The following DACH2 variants were observed in gnomAD, a reference collection of about 807,000 sequenced individuals.
DACH2 encodes dachshund family transcription factor 2.
In DACH2, 17 loss-of-function variants were observed where a neutral mutation model predicts 35.8. The observed-to-expected ratio is 0.48, with a 90% CI of 0.33 to 0.71. The LOEUF (loss-of-function observed/expected upper bound fraction) is 0.71. Among genes scored for constraint, DACH2 ranks in the 30% least tolerant of loss-of-function variants. The pLI, the probability that DACH2 is intolerant of heterozygous loss-of-function variation, is 0.02. For synonymous variants in DACH2, 195 were observed against 177.3 expected (o/e 1.10, Z -0.79); for missense variants, 469 against 472.7 (o/e 0.99, Z 0.07).
chrX:86,571,316 T>C (rs5923567), intron 3 of DACH2, among the ~76,000 whole-genome samples: 35,298 of 109,383 alleles, frequency 0.32, 4,655 homozygotes, highest in Middle Eastern at 0.46. Context: ...ATTATTATAC[T>C]TTTAAGTTTT....
At chrX:86,824,480 G>A (rs1341189538) in intron 11 of DACH2, among the ~76,000 whole-genome samples, 1 of 111,795 alleles carries the variant, frequency 8.9e-6, no homozygotes, top group Non-Finnish European at 1.9e-5. Flanking sequence ...AATTTGTACA[G>A]TTAACACAAT....
chrX:86,623,904 C>T (rs868405919), intron 3 of DACH2, among the ~76,000 whole-genome samples: 8 of 101,463 alleles, frequency 7.9e-5, no homozygotes, highest in African/African-American at 2.5e-4. Flanking sequence ...AAAAATTAGC[C>T]GGGCATGGTG....
At chrX:86,741,464 T>C (rs2041655121) in intron 7 of DACH2, among the ~76,000 whole-genome samples, 2 of 111,849 alleles carry the variant, frequency 1.8e-5, no homozygotes, top group Non-Finnish European at 3.8e-5. Context: ...CAGCATTTCT[T>C]CAAGAGATTC....
At chrX:86,517,277 G>C (rs1025678455) in intron 3 of DACH2, among the ~76,000 whole-genome samples, 2 of 111,555 alleles carry the variant, frequency 1.8e-5, no homozygotes, top group Non-Finnish European at 3.8e-5. Flanking sequence ...TTGTGGTTTT[G>C]ATTTACCACA....
intron 6 of DACH2, among the ~76,000 whole-genome samples, chrX:86,737,882 A>G (rs773901821): frequency 1.8e-5 from 2 of 111,521 alleles, no homozygotes; most frequent in South Asian, 7.6e-4. Flanking sequence ...ATAGTGTCTA[A>G]TAGGTAGTTT....
chrX:86,450,844 T>G (rs1331619896), intron 2 of DACH2, among the ~76,000 whole-genome samples: 1 of 111,625 alleles, frequency 9.0e-6, no homozygotes, highest in East Asian at 2.8e-4. Flanking sequence ...TTTAAAAATA[T>G]GTTTGTTGGC....
intron 4 of DACH2, among the ~76,000 whole-genome samples, chrX:86,682,223 T>A (rs1188533568): frequency 9.0e-6 from 1 of 111,586 alleles, no homozygotes; most frequent in East Asian, 2.8e-4. Flanking sequence ...AAGTGCCTCA[T>A]TTTGTTCCTC....
intron 1 of DACH2, among the ~76,000 whole-genome samples, chrX:86,307,895 T>C (rs1260835100): frequency 2.7e-5 from 3 of 112,007 alleles, no homozygotes; most frequent in Admixed American, 9.5e-5. Context: ...TCAGGCAGAA[T>C]TTATTGATTT....
chrX:86,256,981 T>C (rs770988370), intron 1 of DACH2, among the ~76,000 whole-genome samples: 1 of 112,193 alleles, frequency 8.9e-6, no homozygotes, highest in East Asian at 2.8e-4. Flanking sequence ...CTTCATTTCC[T>C]CTATGCACAC....
chrX:86,318,757 G>T (rs2034961619), intron 1 of DACH2, among the ~76,000 whole-genome samples: 1 of 111,297 alleles, frequency 9.0e-6, no homozygotes, highest in South Asian at 3.8e-4. Flanking sequence ...CAAAAGCTAG[G>T]GATCAGGAAA....
At chrX:86,699,423 C>T (rs973192062) in intron 5 of DACH2, among the ~76,000 whole-genome samples, 2 of 111,372 alleles carry the variant, frequency 1.8e-5, no homozygotes, top group Admixed American at 9.6e-5. Context: ...TGGTGGAAGG[C>T]GAAAGGCTCT....
chrX:86,617,994 A>T (rs1316588198), intron 3 of DACH2, among the ~76,000 whole-genome samples: 1 of 112,471 alleles, frequency 8.9e-6, no homozygotes, highest in African/African-American at 3.2e-5. Context: ...AGAAACTATC[A>T]GCTGAGCATA....
chrX:86,648,776 T>A (rs757861233), intron 3 of DACH2, among the ~76,000 whole-genome samples: 59 of 110,783 alleles, frequency 5.3e-4, no homozygotes, highest in African/African-American at 1.7e-3. Flanking sequence ...TGTAAAGTAG[T>A]TTTTTAAAAA....
chrX:86,654,811 A>T (rs1239056509), intron 4 of DACH2, among the ~76,000 whole-genome samples: 1 of 111,713 alleles, frequency 9.0e-6, no homozygotes, highest in East Asian at 2.8e-4. Context: ...TTGTAGTATT[A>T]TAATCATAAT....
At chrX:86,726,179 G>T (rs2041467187) in intron 6 of DACH2, among the ~76,000 whole-genome samples, 2 of 111,633 alleles carry the variant, frequency 1.8e-5, no homozygotes, top group African/African-American at 6.5e-5. Flanking sequence ...GCTCTGGAAA[G>T]TACAGCCTGT....
At chrX:86,820,996 A>G (rs958679633) in intron 11 of DACH2, among the ~76,000 whole-genome samples, 2 of 111,546 alleles carry the variant, frequency 1.8e-5, no homozygotes, top group African/African-American at 6.5e-5. Flanking sequence ...AAAGGGAGCC[A>G]GAAAAAATAA....
At chrX:86,401,997 G>A in intron 2 of DACH2, among the ~76,000 whole-genome samples, 1 of 111,719 alleles carries the variant, frequency 9.0e-6, no homozygotes, top group South Asian at 3.7e-4. Context: ...ACTTTGTGAT[G>A]AAAACCCTCA....
intron 1 of DACH2, among the ~76,000 whole-genome samples, chrX:86,211,141 A>T (rs533712665): frequency 9.0e-6 from 1 of 111,464 alleles, no homozygotes; most frequent in Non-Finnish European, 1.9e-5. Context: ...AGCCACAGAA[A>T]AGGAGCTTTT....
intron 4 of DACH2, among the ~76,000 whole-genome samples, chrX:86,673,335 CAAAAAAAAAAA>C (rs56877612): frequency 2.3e-5 from 1 of 43,197 alleles, no homozygotes; most frequent in Non-Finnish European, 3.8e-5. Context: ...GACTCCGTCT[CAAAAAAAAAAA>C]AAAAAAAAAA....
Sources: gnomAD v4.1 joint callset for allele counts (sites outside exome capture counted in the v4.1 genomes callset) on GRCh38, gnomAD v4.1.1 for gene constraint, MANE v1.5 for transcripts, NCBI Gene and HGNC (gene_info 2026-07-23, HGNC 2026-07-21) for gene names.